ABHD12: variants seen among roughly 807,000 people sequenced by gnomAD.
ABHD12 encodes abhydrolase domain containing 12, lysophospholipase.
In ABHD12, 43 loss-of-function variants were observed where a neutral mutation model predicts 58.3. That is an observed-to-expected ratio of 0.74 (90% confidence interval 0.58 to 0.95). The LOEUF is 0.95. ABHD12 is among the 40% of genes least tolerant of loss of function. The pLI is 0.00. For missense variants in ABHD12, 539 were observed against 537.2 expected, an observed-to-expected ratio of 1.00 and a Z score of -0.03; for synonymous variants, 219 against 211.2, an observed-to-expected ratio of 1.04 and a Z score of -0.32.
At chr20:25,298,400 G>T (rs542708895), downstream of ABHD12, among the ~76,000 whole-genome samples, 259 of 152,142 alleles carry the variant, frequency 1.7e-3, 4 homozygotes, top group African/African-American at 5.9e-3. Flanking sequence ...CGAGTAGCTG[G>T]CATTACAGGC....
chr20:25,305,975 G>A (rs1016855005), intron 10 of ABHD12, among the ~76,000 whole-genome samples: 7 of 151,844 alleles, frequency 4.6e-5, no homozygotes, highest in African/African-American at 9.7e-5. Context: ...AGACCAGCCC[G>A]GCCAACATGG....
Position 25,320,190 on chromosome 20 carries a change from C to T in ABHD12, c.542+9G>A. 1 of 1,613,796 alleles carries T rather than the reference C, an allele frequency of 6.2e-7. No homozygotes were observed. Among genetic ancestry groups the T allele is most frequent in the South Asian group, 1.1e-5 (1 of 91,050 alleles). On this transcript the variant is annotated intron_variant, in intron 4 of 12. Transcript: ENST00000339157. Reference sequence around the variant, plus strand: ...TCCACAGCAAAGATGATGGGCTCCTCTCCCTCACCTGGTACCTGCGTTCCC... The same window carrying T: ...TCCACAGCAAAGATGATGGGCTCCTTTCCCTCACCTGGTACCTGCGTTCCC...
downstream of ABHD12, among the ~76,000 whole-genome samples, chr20:25,299,493 CAA>C (rs562256712): frequency 9.3e-5 from 13 of 139,168 alleles, no homozygotes; most frequent in African/African-American, 7.9e-5. Flanking sequence ...TTACATAGAC[CAA>C]AAAAAAAAAA....
At chr20:25,386,618 G>A (rs1234682517) in intron 1 of ABHD12, among the ~76,000 whole-genome samples, 3 of 151,850 alleles carry the variant, frequency 2.0e-5, no homozygotes, top group African/African-American at 4.8e-5. Context: ...GGTGGCTCAC[G>A]CCTTATAATC....
chr20:25,356,190 A>G (rs1177141813), intron 1 of ABHD12, among the ~76,000 whole-genome samples: 1 of 152,212 alleles, frequency 6.6e-6, no homozygotes, highest in Non-Finnish European at 1.5e-5. Context: ...AAGGGAAAAA[A>G]CACATCCAGG....
At chr20:25,330,783 G>A (rs998195628) in intron 2 of ABHD12, among the ~76,000 whole-genome samples, 10 of 152,114 alleles carry the variant, frequency 6.6e-5, no homozygotes, top group African/African-American at 1.4e-4. Context: ...CTAACAAACA[G>A]AAAGGACATC....
At chr20:25,375,732 G>A (rs1287926428) in intron 1 of ABHD12, among the ~76,000 whole-genome samples, 1 of 151,328 alleles carries the variant, frequency 6.6e-6, no homozygotes, top group African/African-American at 2.5e-5. Context: ...ATTGTTTCGT[G>A]TATGTTGTCG....
At chr20:25,388,558 G>A (rs1238596431) in intron 1 of ABHD12, among the ~76,000 whole-genome samples, 1 of 152,180 alleles carries the variant, frequency 6.6e-6, no homozygotes, top group Admixed American at 6.5e-5. Flanking sequence ...GAGACAGCCA[G>A]CTGGGAAGGA....
chr20:25,330,236 G>T (rs192479984), intron 2 of ABHD12, among the ~76,000 whole-genome samples: 1 of 152,232 alleles, frequency 6.6e-6, no homozygotes, highest in African/African-American at 2.4e-5. Context: ...ACTCCCACCC[G>T]AATACTGTGC....
At chr20:25,351,906 C>T (rs1042361793) in intron 1 of ABHD12, among the ~76,000 whole-genome samples, 1 of 151,854 alleles carries the variant, frequency 6.6e-6, no homozygotes, top group African/African-American at 2.4e-5. Context: ...TGTCTCAAAA[C>T]AAAAAAACAA....
chr20:25,331,052 G>C (rs1361347121), intron 2 of ABHD12, among the ~76,000 whole-genome samples: 1 of 152,176 alleles, frequency 6.6e-6, no homozygotes, highest in Non-Finnish European at 1.5e-5. Context: ...AGGCAAAGAA[G>C]TTGAAAACTT....
chr20:25,331,337 C>G (rs574813676), intron 2 of ABHD12, among the ~76,000 whole-genome samples: 52 of 152,208 alleles, frequency 3.4e-4, no homozygotes, highest in African/African-American at 1.2e-3. Flanking sequence ...GATTGGTGTA[C>G]CTGAAAGTGA....
intron 1 of ABHD12, among the ~76,000 whole-genome samples, chr20:25,345,549 C>A (rs569052469): frequency 6.6e-5 from 10 of 152,184 alleles, no homozygotes; most frequent in African/African-American, 2.4e-4. Context: ...AAAAGTATAT[C>A]TGATGAAAGA....
intron 9 of ABHD12, among the ~76,000 whole-genome samples, chr20:25,307,414 G>A (rs1364605860): frequency 1.3e-5 from 2 of 152,264 alleles, no homozygotes; most frequent in Non-Finnish European, 2.9e-5. Context: ...CCAGTGGGGA[G>A]CACAGGGATC....
At position 25,390,723 on chromosome 20, in the gene ABHD12, G is replaced by A. The variant is rs1157996851; in HGVS notation, c.-20C>T. The A allele has an allele frequency of 3.1e-6, 4 of 1,306,636 alleles. No homozygotes were observed. Among genetic ancestry groups the A allele is most frequent in the African/African-American group, 3.6e-5 (2 of 54,974 alleles). 80.9% of individuals were successfully genotyped at this position (1,306,636 alleles called of 1,614,324 possible). On this transcript the variant is annotated 5_prime_UTR_variant, in exon 1 of 13. Coordinates refer to ENST00000339157, the MANE Select transcript of ABHD12 (RefSeq NM_001042472.3). Reference sequence around the variant, plus strand: ...CCTCATCCCGCGGCCGACAGGGCCAGCCGCCGACGGCGCCCGCTGGCCTGC... The same window carrying A: ...CCTCATCCCGCGGCCGACAGGGCCAACCGCCGACGGCGCCCGCTGGCCTGC...
At chr20:25,349,691 T>C (rs1255667241) in intron 1 of ABHD12, among the ~76,000 whole-genome samples, 2 of 152,156 alleles carry the variant, frequency 1.3e-5, no homozygotes, top group Non-Finnish European at 2.9e-5. Flanking sequence ...GTACCTAGAA[T>C]AGGCAAATTC....
intron 1 of ABHD12, among the ~76,000 whole-genome samples, chr20:25,379,840 C>T (rs773265328): frequency 6.6e-6 from 1 of 151,868 alleles, no homozygotes; most frequent in African/African-American, 2.4e-5. Context: ...CAATCATGCA[C>T]GCCATGCCTG....
At chr20:25,368,500 T>C (rs556087674) in intron 1 of ABHD12, 1 of 1,534,316 alleles carries the variant, frequency 6.5e-7, no homozygotes, top group East Asian at 2.2e-5. Context: ...CTGTATGCTT[T>C]AGGATGAAGT....
chr20:25,353,041 A>C (rs974570654), intron 1 of ABHD12, among the ~76,000 whole-genome samples: 2 of 152,228 alleles, frequency 1.3e-5, no homozygotes, highest in Admixed American at 6.5e-5. Flanking sequence ...AGAGCCTCCA[A>C]AATTGGTGAT....
Sources: gnomAD v4.1 joint callset for allele counts (sites outside exome capture counted in the v4.1 genomes callset) on GRCh38, gnomAD v4.1.1 for gene constraint, MANE v1.5 for transcripts, NCBI Gene and HGNC (gene_info 2026-07-23, HGNC 2026-07-21) for gene names.